ERG: variants seen among roughly 807,000 people sequenced by gnomAD.
ERG encodes the protein transcriptional regulator ERG.
In ERG, 9 loss-of-function variants were observed where a neutral mutation model predicts 55.3. That is an observed-to-expected ratio of 0.16 (90% confidence interval 0.10 to 0.28). The LOEUF is 0.28. Ranked by LOEUF, ERG falls within the 10% of genes least tolerant of loss-of-function variation. The probability of loss-of-function intolerance (pLI) is 1.00; values close to 1 mark genes in which losing one functional copy is unlikely to be tolerated. For synonymous variants in ERG, 223 were observed against 237.3 expected (o/e 0.94, Z 0.55); for missense variants, 434 against 631.6 (o/e 0.69, Z 3.35).
In ERG at chr21:38,455,830, T is replaced by C. The variant is rs556020225; in HGVS notation, c.19-10209A>G. ...TAAGACGGGGGTGAGGGGGTGGGGGTGTCAAAACAGCCTTAATTTTTTAAA... is the reference window on the plus strand; with the variant it reads ...TAAGACGGGGGTGAGGGGGTGGGGGCGTCAAAACAGCCTTAATTTTTTAAA... On this transcript the variant is annotated intron_variant, in intron 1 of 9. Transcript: ENST00000288319. 8.1e-5 allele frequency among the ~76,000 whole-genome samples: 12 copies of C among 147,558 alleles called. 1 individual carries two copies. The South Asian group carries it at 2.4e-3, about 30-fold the overall frequency.
At chr21:38,416,687 GAATAC>G (rs1251632003) in intron 3 of ERG, among the ~76,000 whole-genome samples, 1 of 152,172 alleles carries the variant, frequency 6.6e-6, no homozygotes, top group Non-Finnish European at 1.5e-5. Context: ...ATGCATTTGA[GAATAC>G]AATATGAAAC....
intron 2 of ERG, among the ~76,000 whole-genome samples, chr21:38,572,365 CAAAAA>C (rs758324053): frequency 1.5e-5 from 1 of 66,988 alleles, no homozygotes. Context: ...GAGACTCCAT[CAAAAA>C]AAAAAAAAAA....
chr21:38,582,796 G>C (rs971418535), intron 1 of ERG, among the ~76,000 whole-genome samples: 2 of 151,968 alleles, frequency 1.3e-5, no homozygotes, highest in African/African-American at 2.4e-5. Context: ...GCCCAGGCTG[G>C]AGCGCAGTGG....
rs78490978 is a variant in ERG at position 38,534,455 on chromosome 21, G to C, written c.-41+41207C>G. Among the ~76,000 whole-genome samples the C allele has an allele frequency of 8.0e-3, 1,219 of 152,202 alleles. 22 individuals carry two copies. Among genetic ancestry groups the C allele is most frequent in the African/African-American group, 0.027 (1,120 of 41,524 alleles). ...GAATTATTTTAAAAAAGCATTGACT[G>C]CTTGAAGATAAGCAAGTGACACTCA... On this transcript the variant is annotated intron_variant, in intron 2 of 8. Coordinates refer to the ERG transcript ENST00000398897.
intron 6 of ERG, among the ~76,000 whole-genome samples, chr21:38,398,041 G>A (rs1988312497): frequency 6.6e-6 from 1 of 152,130 alleles, no homozygotes; most frequent in South Asian, 2.1e-4. Flanking sequence ...ACAGGGATTT[G>A]GGTCTGTATC....
intron 1 of ERG, among the ~76,000 whole-genome samples, chr21:38,647,824 C>T (rs1324521274): frequency 6.6e-6 from 1 of 152,132 alleles, no homozygotes; most frequent in Non-Finnish European, 1.5e-5. Flanking sequence ...ACGTCACCTC[C>T]TATTTTAGAA....
At chr21:38,386,425 T>C (rs1987694193) in intron 9 of ERG, among the ~76,000 whole-genome samples, 1 of 152,224 alleles carries the variant, frequency 6.6e-6, no homozygotes, top group Admixed American at 6.5e-5. Flanking sequence ...TTCGCTGCAT[T>C]TTGCAGTGTG....
intron 1 of ERG, among the ~76,000 whole-genome samples, chr21:38,624,997 T>A (rs1337085023): frequency 6.8e-6 from 1 of 147,040 alleles, no homozygotes; most frequent in Non-Finnish European, 1.5e-5. Context: ...AAATTAAAAA[T>A]ATATATTAAT....
At chr21:38,375,479 G>T (rs1987216777), downstream of ERG, among the ~76,000 whole-genome samples, 1 of 152,128 alleles carries the variant, frequency 6.6e-6, no homozygotes, top group African/African-American at 2.4e-5. Context: ...CTTAGCAAAT[G>T]CTTGTTAAGT....
chr21:38,574,912 C>T (rs1004286142), intron 2 of ERG, among the ~76,000 whole-genome samples: 2 of 152,194 alleles, frequency 1.3e-5, no homozygotes, highest in African/African-American at 4.8e-5. Flanking sequence ...GCTTAAGCCC[C>T]AATTTTTTCT....
intron 1 of ERG, among the ~76,000 whole-genome samples, chr21:38,659,677 T>C (rs1041527342): frequency 8.5e-5 from 13 of 152,268 alleles, no homozygotes; most frequent in South Asian, 2.1e-4. Flanking sequence ...CATACGAATA[T>C]GTTATTTTGA....
At chr21:38,524,561 T>C (rs1393187109) in intron 2 of ERG, among the ~76,000 whole-genome samples, 1 of 152,242 alleles carries the variant, frequency 6.6e-6, no homozygotes, top group East Asian at 1.9e-4. Flanking sequence ...TGTTGCTGAC[T>C]TTCCCTGCTT....
intron 2 of ERG, among the ~76,000 whole-genome samples, chr21:38,551,410 G>GT (rs900543024): frequency 1.3e-5 from 2 of 152,076 alleles, no homozygotes; most frequent in East Asian, 3.9e-4. Flanking sequence ...GTTTGCTCTT[G>GT]TTTTTTCTAG....
In ERG at chr21:38,443,087, G is replaced by A. The variant is rs548601345; in HGVS notation, c.236+2317C>T. Among the ~76,000 whole-genome samples, 4 of 152,332 alleles carry A rather than the reference G, an allele frequency of 2.6e-5. No homozygotes were observed. In the South Asian group the frequency reaches 8.3e-4, roughly 32 times the overall value. On this transcript the variant is annotated intron_variant, in intron 2 of 9. Coordinates refer to ENST00000288319, the MANE Select transcript of ERG (RefSeq NM_182918.4). ...CTCCCAGAGTGCTGGGATTACAGGCGTGAGCCACTGCGCCCGGCCAGAATG... is the reference window on the plus strand; with the variant it reads ...CTCCCAGAGTGCTGGGATTACAGGCATGAGCCACTGCGCCCGGCCAGAATG...
At chr21:38,425,904 T>C (rs1342555972) in intron 2 of ERG, among the ~76,000 whole-genome samples, 1 of 152,222 alleles carries the variant, frequency 6.6e-6, no homozygotes, top group African/African-American at 2.4e-5. Flanking sequence ...ATAGCTGGGA[T>C]GTGGACAGGA....
chr21:38,523,815 G>A lies in ERG; in HGVS notation c.-41+51847C>T, dbSNP rs188098729. Among the ~76,000 whole-genome samples the A allele has an allele frequency of 7.4e-3, 1,132 of 152,266 alleles. 8 individuals are homozygous for A. The highest frequency in any genetic ancestry group is 0.011 in the Non-Finnish European group (778 of 68,024). ...TGCAAAAGCCCAGTGATGGCCCATC[G>A]GTACCCTGAATGGGCTTCTCAGGTG... On this transcript the variant is annotated intron_variant, in intron 2 of 8. Coordinates refer to the ERG transcript ENST00000398897.
At chr21:38,624,444 A>G (rs1337148783) in intron 1 of ERG, among the ~76,000 whole-genome samples, 4 of 152,184 alleles carry the variant, frequency 2.6e-5, no homozygotes, top group Non-Finnish European at 4.4e-5. Context: ...CATGCATCCC[A>G]GAACTTAAAG....
chr21:38,618,238 T>C lies in ERG; in HGVS notation c.-149-33293A>G, dbSNP rs532374001. On this transcript the variant is annotated intron_variant, in intron 1 of 10. Coordinates refer to the ERG transcript ENST00000398910. Reference sequence around the variant, plus strand: ...GACCATCCTGTTAAGAGGCACTGAGTGGTGAAAACAGCCTTGTCATGAAAC... The same window carrying C: ...GACCATCCTGTTAAGAGGCACTGAGCGGTGAAAACAGCCTTGTCATGAAAC... Among the ~76,000 whole-genome samples the C allele has an allele frequency of 2.6e-5, 4 of 152,120 alleles. No individual in the cohort carries two copies. In the East Asian group the frequency reaches 7.7e-4, roughly 29 times the overall value.
At chr21:38,528,614 A>G (rs2059649429) in intron 2 of ERG, among the ~76,000 whole-genome samples, 1 of 92,568 alleles carries the variant, frequency 1.1e-5, no homozygotes, top group Non-Finnish European at 2.5e-5. Context: ...CGCCCGGCTA[A>G]TTTTTTTGTA....
Sources: gnomAD v4.1 joint callset for allele counts (sites outside exome capture counted in the v4.1 genomes callset) on GRCh38, gnomAD v4.1.1 for gene constraint, MANE v1.5 for transcripts, NCBI Gene and HGNC (gene_info 2026-07-23, HGNC 2026-07-21) for gene names.